The following STPG2 variants were observed in gnomAD, a reference collection of about 807,000 sequenced individuals.
STPG2 encodes the protein sperm tail PG-rich repeat containing 2, also known as sperm-tail PG-rich repeat-containing protein 2.
A neutral mutation model predicts 54.2 loss-of-function variants in STPG2; 56 were observed. The ratio of observed to expected loss-of-function variants is 1.03; its 90% CI spans 0.83 to 1.29. The LOEUF is 1.29. STPG2 is among the 50% of genes most tolerant of loss of function. The pLI is 0.00. For synonymous variants in STPG2, 200 were observed against 181.8 expected, an observed-to-expected ratio of 1.10 and a Z score of -0.81; for missense variants, 596 against 544.9, an observed-to-expected ratio of 1.09 and a Z score of -0.93.
At chr4:97,480,982 A>G (rs1430406352) in intron 4 of STPG2, among the ~76,000 whole-genome samples, 1 of 151,596 alleles carries the variant, frequency 6.6e-6, no homozygotes, top group South Asian at 2.1e-4. Flanking sequence ...CTAAGGACAC[A>G]AAGATTTCCT....
At chr4:98,101,138 A>C (rs1300951405) in intron 5 of STPG2, among the ~76,000 whole-genome samples, 1 of 152,166 alleles carries the variant, frequency 6.6e-6, no homozygotes, top group African/African-American at 2.4e-5. Context: ...CATAGCAGCT[A>C]TTGAAAATTC....
At chr4:97,678,732 G>C (rs945572267) in intron 10 of STPG2, among the ~76,000 whole-genome samples, 1 of 151,044 alleles carries the variant, frequency 6.6e-6, no homozygotes, top group South Asian at 2.1e-4. Flanking sequence ...CCATTAACTC[G>C]TCATTTAGCA....
At chr4:97,464,752 T>C (rs925934837) in intron 4 of STPG2, among the ~76,000 whole-genome samples, 4 of 152,192 alleles carry the variant, frequency 2.6e-5, no homozygotes, top group African/African-American at 7.2e-5. Context: ...TAGGGATAAA[T>C]AGTGGGTGAA....
chr4:98,070,214 T>C (rs1737958962), intron 5 of STPG2, among the ~76,000 whole-genome samples: 1 of 152,064 alleles, frequency 6.6e-6, no homozygotes, highest in African/African-American at 2.4e-5. Flanking sequence ...TAGTGCAACA[T>C]ACACAAATCA....
At chr4:97,665,766 A>G (rs1448574580) in intron 10 of STPG2, among the ~76,000 whole-genome samples, 1 of 151,904 alleles carries the variant, frequency 6.6e-6, no homozygotes, top group African/African-American at 2.4e-5. Context: ...TGCCCTCAGC[A>G]CTCCGTCAGC....
chr4:97,979,897 T>G (rs1734616985), intron 6 of STPG2, among the ~76,000 whole-genome samples: 1 of 152,008 alleles, frequency 6.6e-6, no homozygotes. Flanking sequence ...ACTAATTTTT[T>G]GTATTTTAGT....
intron 8 of STPG2, among the ~76,000 whole-genome samples, chr4:97,904,260 G>C (rs1374597602): frequency 3.3e-5 from 5 of 152,220 alleles, no homozygotes; most frequent in Non-Finnish European, 2.9e-5. Context: ...TCTGAGAACA[G>C]GCAGACTGCC....
intron 4 of STPG2, among the ~76,000 whole-genome samples, chr4:97,452,291 C>A (rs1729397680): frequency 6.6e-6 from 1 of 152,108 alleles, no homozygotes; most frequent in Non-Finnish European, 1.5e-5. Context: ...ACACCTTCTC[C>A]AATTTTGGAG....
At chr4:97,493,786 T>C (rs1323462746) in intron 4 of STPG2, among the ~76,000 whole-genome samples, 1 of 151,532 alleles carries the variant, frequency 6.6e-6, no homozygotes, top group Non-Finnish European at 1.5e-5. Context: ...AAAAAGCCAG[T>C]ATTTGCTGAG....
Position 97,707,799 on chromosome 4 carries a change from G to A in STPG2, c.1320+4900C>T, listed in dbSNP as rs540052299. On this transcript the variant is annotated intron_variant, in intron 10 of 10. Coordinates refer to ENST00000295268, the MANE Select transcript of STPG2 (RefSeq NM_174952.3). ...TAAAAATATAAGGTAGCATAGAATC[G>A]AAGACAAAAATAAAAACCATATCCA... 7.2e-5 allele frequency among the ~76,000 whole-genome samples: 11 copies of A among 152,036 alleles called. No homozygotes were observed. The East Asian group carries it at 1.7e-3, about 24-fold the overall frequency.
chr4:97,468,420 G>A (rs531237422), intron 4 of STPG2, among the ~76,000 whole-genome samples: 50 of 151,770 alleles, frequency 3.3e-4, no homozygotes, highest in Non-Finnish European at 6.3e-4. Flanking sequence ...TGTGCTATCC[G>A]AAAATGAGCT....
At chr4:98,013,163 G>T (rs977910080) in intron 5 of STPG2, among the ~76,000 whole-genome samples, 8 of 152,166 alleles carry the variant, frequency 5.3e-5, no homozygotes, top group Admixed American at 4.6e-4. Context: ...AACATGAAGG[G>T]ATATTGGATT....
intron 9 of STPG2, among the ~76,000 whole-genome samples, chr4:97,763,588 G>A (rs1182465312): frequency 1.3e-5 from 2 of 152,052 alleles, no homozygotes; most frequent in Non-Finnish European, 2.9e-5. Flanking sequence ...CTTATTTTAT[G>A]CCTATTGTCC....
chr4:98,105,231 C>T (rs1266600601), intron 5 of STPG2, among the ~76,000 whole-genome samples: 1 of 152,166 alleles, frequency 6.6e-6, no homozygotes. Flanking sequence ...GCCCAATTCA[C>T]AAATCATTTA....
chr4:97,952,986 C>T (rs1733530458), intron 7 of STPG2, among the ~76,000 whole-genome samples: 1 of 152,182 alleles, frequency 6.6e-6, no homozygotes, highest in Admixed American at 6.5e-5. Flanking sequence ...GGGATTTGTA[C>T]TTGCCTTATG....
chr4:97,682,802 C>A (rs1199940799), intron 10 of STPG2, among the ~76,000 whole-genome samples: 5 of 151,806 alleles, frequency 3.3e-5, no homozygotes, highest in African/African-American at 9.7e-5. Flanking sequence ...ACATGGGCAT[C>A]ATAGTTTAAG....
At chr4:97,541,091 T>C (rs185155683) in intron 4 of STPG2, among the ~76,000 whole-genome samples, 7 of 152,246 alleles carry the variant, frequency 4.6e-5, no homozygotes, top group Admixed American at 1.3e-4. Context: ...AACACTCCTA[T>C]TCAAAATAGT....
At chr4:98,009,522 T>C (rs4699580) in intron 5 of STPG2, among the ~76,000 whole-genome samples, 59,872 of 151,876 alleles carry the variant, frequency 0.39, 12,036 homozygotes, top group Middle Eastern at 0.46. Flanking sequence ...GGAAAATTAT[T>C]CATGTGTGCT....
chr4:97,667,667 A>C (rs898969576), intron 10 of STPG2, among the ~76,000 whole-genome samples: 1 of 152,160 alleles, frequency 6.6e-6, no homozygotes, highest in East Asian at 1.9e-4. Context: ...ATTTATTTGC[A>C]TCATATAACT....
Sources: allele counts gnomAD v4.1 joint callset (sites outside exome capture counted in the v4.1 genomes callset), GRCh38; gene constraint gnomAD v4.1.1; transcripts MANE v1.5; gene names NCBI Gene and HGNC (gene_info 2026-07-23, HGNC 2026-07-21).